MCFD2: variants seen among roughly 807,000 people sequenced by gnomAD.
MCFD2 encodes the protein multiple coagulation factor deficiency 2, ER cargo receptor complex subunit, also known as multiple coagulation factor deficiency protein 2.
MCFD2 carries 11 observed loss-of-function variants against 12.8 expected under a neutral mutation model. That is an observed-to-expected ratio of 0.86 (90% CI 0.54 to 1.42). The LOEUF is 1.42. Ranked by LOEUF, MCFD2 falls within the 40% of genes most tolerant of loss-of-function variation. The pLI, the probability that MCFD2 is intolerant of heterozygous loss-of-function variation, is 0.00. For synonymous variants in MCFD2, 70 were observed against 68.1 expected, an observed-to-expected ratio of 1.03 and a Z score of -0.14; for missense variants, 191 against 178.6, an observed-to-expected ratio of 1.07 and a Z score of -0.40.
chr2:46,910,458 C>T (rs114813357), intron 1 of MCFD2, among the ~76,000 whole-genome samples: 3,246 of 152,234 alleles, frequency 0.021, 45 homozygotes, highest in South Asian at 0.035. Context: ...GTCCACAGCC[C>T]CAAACCAGCA....
intron 1 of MCFD2, 104 bp from the exon 2 acceptor site, chr2:46,909,281 G>T: frequency 7.5e-7 from 1 of 1,340,158 alleles, no homozygotes; most frequent in Non-Finnish European, 1.0e-6. Flanking sequence ...AAGCAGTAAG[G>T]TTAGGAAGAG....
chr2:46,936,021 T>G (rs1669958823), intron 1 of MCFD2, among the ~76,000 whole-genome samples: 1 of 151,860 alleles, frequency 6.6e-6, no homozygotes, highest in African/African-American at 2.4e-5. Context: ...AGCCCAGGAG[T>G]TCAAGGCTGC....
intron 1 of MCFD2, among the ~76,000 whole-genome samples, chr2:46,931,923 T>C (rs1669727192): frequency 6.6e-6 from 1 of 152,166 alleles, no homozygotes; most frequent in Non-Finnish European, 1.5e-5. Flanking sequence ...ACAACTAAGT[T>C]GATTCCAGAA....
Position 46,941,433 on chromosome 2 carries a change from C to G in MCFD2, c.-8+139G>C, listed in dbSNP as rs900932379. ...CCGCTGCCGCCCGGGCCCCGGCTGC[C>G]GTCTGCGCCCCCGTCGACCCCGCCC... is the stretch of plus-strand genomic sequence containing the variant. On this transcript the variant is annotated intron_variant, in intron 1 of 2. Coordinates refer to the MCFD2 transcript ENST00000409147. This position sits in a 1 kb window ranked among gnomAD's most constrained non-coding sequence, Gnocchi z 4.2. 1.2e-5 allele frequency: 14 copies of G among 1,206,152 alleles called. No individual in the cohort carries two copies. The South Asian group carries it at 3.4e-4, about 29-fold the overall frequency. The allele number at this position is 1,206,152 out of a possible 1,614,324, so 74.7% of individuals were successfully genotyped here. A position where few individuals can be genotyped will look rare whatever the true frequency, so the allele number is the denominator to read the frequency against.
At chr2:46,928,178 C>T (rs1669498146) in intron 1 of MCFD2, among the ~76,000 whole-genome samples, 1 of 151,920 alleles carries the variant, frequency 6.6e-6, no homozygotes, top group Non-Finnish European at 1.5e-5. Flanking sequence ...AGGCGTGAGT[C>T]ATTGCACCCA....
At position 46,902,646 on chromosome 2, in the gene MCFD2, A is replaced by G. The variant is rs1169898984; in HGVS notation, c.*2817T>C. 6.5e-6 allele frequency: 1 copy of G among 152,674 alleles called. No homozygotes were observed. The highest frequency in any genetic ancestry group is 1.5e-5 in the Non-Finnish European group (1 of 68,038). The allele number at this position is 152,674 out of a possible 1,614,324, so 9.5% of individuals were successfully genotyped here. A position where few individuals can be genotyped will look rare whatever the true frequency, so the allele number is the denominator to read the frequency against. On this transcript the variant is annotated 3_prime_UTR_variant, in exon 4 of 4. Coordinates refer to ENST00000319466, the MANE Select transcript of MCFD2 (RefSeq NM_139279.6). ...TTTCCAAAATGTCAGAGGATACAGA[A>G]TCTTAGACTCTGTGGCTAGGCTGAA...
chr2:46,922,667 TCA>T (rs1361419248), intron 1 of MCFD2, among the ~76,000 whole-genome samples: 1 of 152,038 alleles, frequency 6.6e-6, no homozygotes, highest in Non-Finnish European at 1.5e-5. Context: ...TAGAAACCAC[TCA>T]GAGTTTCTCC....
chr2:46,905,625 T>C (rs774249794), intron 3 of MCFD2, 31 bp from the exon 4 acceptor site: 15 of 1,610,180 alleles, frequency 9.3e-6, no homozygotes, highest in Non-Finnish European at 1.2e-5. Context: ...AATGATGAGT[T>C]GCGCATTTTA....
At chr2:46,931,129 C>G (rs1003132732) in intron 1 of MCFD2, among the ~76,000 whole-genome samples, 2 of 152,320 alleles carry the variant, frequency 1.3e-5, no homozygotes, top group African/African-American at 4.8e-5. Context: ...ATGTTTATGT[C>G]CTAATCCTTG....
intron 1 of MCFD2, among the ~76,000 whole-genome samples, chr2:46,911,107 ATCTG>A (rs1337541245): frequency 1.8e-4 from 28 of 152,118 alleles, no homozygotes; most frequent in African/African-American, 5.6e-4. Context: ...TCAAAATGCA[ATCTG>A]TCTCAGACCT....
chr2:46,915,082 G>T (rs1481263628), intron 1 of MCFD2, among the ~76,000 whole-genome samples: 1 of 152,236 alleles, frequency 6.6e-6, no homozygotes, highest in Non-Finnish European at 1.5e-5. Flanking sequence ...AACTACAGAG[G>T]ATGAAGAAGA....
rs536044862 is a variant in MCFD2 at position 46,926,028 on chromosome 2, C to T, written c.-8+15544G>A. On this transcript the variant is annotated intron_variant, in intron 1 of 2. Transcript: ENST00000409147. ...TTGTCCGGTAATATCTGCTCATTCTCAGAGACTTACTCACTTGAGGTGCCC... is the reference window on the plus strand; with the variant it reads ...TTGTCCGGTAATATCTGCTCATTCTTAGAGACTTACTCACTTGAGGTGCCC... Among the ~76,000 whole-genome samples the T allele has an allele frequency of 2.6e-5, 4 of 152,318 alleles. No individual in the cohort carries two copies. The South Asian group carries it at 8.3e-4, about 32-fold the overall frequency.
chr2:46,922,895 T>A lies in MCFD2; in HGVS notation c.-7-14926A>T, dbSNP rs566304282. Among the ~76,000 whole-genome samples, 8 of 152,350 alleles carry A rather than the reference T, an allele frequency of 5.3e-5. No homozygotes were observed. In the South Asian group the frequency reaches 6.2e-4, roughly 12 times the overall value. ...CAGTTTTACAAAACAGCCCTCTCTT[T>A]CCCACCAGTCGCAAGTCCAAGGCCC... On this transcript the variant is annotated intron_variant, in intron 1 of 2. Coordinates refer to the MCFD2 transcript ENST00000409147.
upstream of MCFD2, chr2:46,916,229 T>G: frequency 1.1e-6 from 1 of 923,276 alleles, no homozygotes; most frequent in Non-Finnish European, 1.3e-6. Flanking sequence ...ATAATAGGAA[T>G]GCTAATTCCT....
chr2:46,934,787 C>CTTTTCTTTTTT (rs1669883537), intron 1 of MCFD2, among the ~76,000 whole-genome samples: 1 of 66,888 alleles, frequency 1.5e-5, no homozygotes, highest in African/African-American at 6.5e-5. Context: ...GACTACTGCT[C>CTTTTCTTTTTT]TTTTTTTTTT....
chr2:46,917,043 A>T, upstream of MCFD2: 1 of 621,060 alleles, frequency 1.6e-6, no homozygotes, highest in Non-Finnish European at 2.8e-6. Flanking sequence ...GTGGCTAAGT[A>T]GTTAGATGCC....
At chr2:46,915,953 A>C (rs375001781), upstream of MCFD2, 479 of 985,258 alleles carry the variant, frequency 4.9e-4, 1 homozygote, top group South Asian at 9.6e-3. Context: ...CGGGCCCAGC[A>C]CTGGCGGGAC....
chr2:46,941,794 C>T lies in MCFD2; in HGVS notation c.-230G>A, dbSNP rs1344880457. ...AACGCACCGCCTCCTCCAGGAAGCG[C>T]GCCCAGACAGTCCTCGGCCGACAGC... On this transcript the variant is annotated 5_prime_UTR_variant, in exon 1 of 3. Coordinates refer to the MCFD2 transcript ENST00000409147. This position sits in a 1 kb window ranked among gnomAD's most constrained non-coding sequence, Gnocchi z 4.2. 4.6e-6 allele frequency: 7 copies of T among 1,534,712 alleles called. No homozygotes were observed. The highest frequency in any genetic ancestry group is 5.3e-6 in the Non-Finnish European group (6 of 1,136,194).
rs1668197930 is a variant in MCFD2, at chr2:46,905,725, AAAC to A, written c.310-134_310-132del. 6 of 998,818 alleles carry A rather than the reference AAAC, an allele frequency of 6.0e-6. No individual in the cohort carries two copies. The African/African-American group carries it at 6.6e-5, about 11-fold the overall frequency. The allele number at this position is 998,818 out of a possible 1,614,324, so 61.9% of individuals were successfully genotyped here. ...AAAAAAAAAAAAAAAAGGAAAAACAAAACAACAAAATATCCACGCTCATATGTG... is the reference window on the plus strand; with the variant it reads ...AAAAAAAAAAAAAAAAGGAAAAACAAAACAAAATATCCACGCTCATATGTG... On this transcript the variant is annotated intron_variant, in intron 3 of 3. Coordinates refer to ENST00000319466, the MANE Select transcript of MCFD2 (RefSeq NM_139279.6).
Sources: gnomAD v4.1 joint callset for allele counts (sites outside exome capture counted in the v4.1 genomes callset) on GRCh38, gnomAD v4.1.1 for gene constraint, Gnocchi (gnomAD v3.1) non-coding constraint, MANE v1.5 for transcripts, NCBI Gene and HGNC (gene_info 2026-07-23, HGNC 2026-07-21) for gene names.